The following RIF1 variants were observed in gnomAD, a reference collection of about 807,000 sequenced individuals.
The protein encoded by RIF1 is telomere-associated protein RIF1.
In RIF1, 45 loss-of-function variants were observed where a neutral mutation model predicts 247.1. That is an observed-to-expected ratio of 0.18 (90% CI 0.14 to 0.23). The LOEUF is 0.23. RIF1 is among the 10% of genes least tolerant of loss of function. The probability of loss-of-function intolerance (pLI) is 1.00; values close to 1 mark genes in which losing one functional copy is unlikely to be tolerated. For missense variants in RIF1, 2,967 were observed against 2,862.5 expected (o/e 1.04, Z -0.83); for synonymous variants, 1,087 against 978.8 (o/e 1.11, Z -2.06).
chr2:151,468,824 T>G, intron 33 of RIF1, 68 bp downstream of exon 33: 1 of 1,098,336 alleles, frequency 9.1e-7, no homozygotes, highest in Admixed American at 1.7e-5. Flanking sequence ...CTTATCTGAT[T>G]GCTTGGTTCT....
intron 34 of RIF1, among the ~76,000 whole-genome samples, chr2:151,472,176 G>C (rs771739822): frequency 3.3e-5 from 5 of 152,044 alleles, no homozygotes; most frequent in Non-Finnish European, 5.9e-5. Context: ...CTGTTTGTCT[G>C]TTATTGATGT....
chr2:151,445,964 C>T (rs1207116282), intron 19 of RIF1, among the ~76,000 whole-genome samples: 4 of 152,182 alleles, frequency 2.6e-5, no homozygotes, highest in Non-Finnish European at 4.4e-5. Context: ...TTCCTCTCTT[C>T]AGTTAGACCT....
intron 9 of RIF1, chr2:151,490,123 G>A (rs762580492): frequency 1.4e-6 from 2 of 1,440,406 alleles, no homozygotes; most frequent in African/African-American, 1.4e-5. Context: ...AAATGGCTAG[G>A]TATCCTTTAA....
rs1282643278 is a variant in RIF1 at position 151,463,342 on chromosome 2, A to C, written c.3822A>C (p.Lys1274Asn). ...AGCAAAGAGAAGGGACTTTTTCAAA[A>C]TCTGATTCTGAAAAAATAGTGAATG... Reference protein sequence around the residue: ...KAKQREGTFSKSDSEKIVNGT... With the variant: ...KAKQREGTFSNSDSEKIVNGT... Residue 1274 changes from lysine to asparagine, a missense_variant, in exon 30 of 36, where the codon AAA becomes AAC. Physicochemically the swap from Lys to Asn is moderately conservative, Grantham distance 94. Coordinates refer to ENST00000444746, the MANE Select transcript of RIF1 (RefSeq NM_018151.5). 2.5e-6 allele frequency: 4 copies of C among 1,613,822 alleles called. No homozygotes were observed. Among genetic ancestry groups the C allele is most frequent in the Non-Finnish European group, 2.5e-6 (3 of 1,179,928 alleles).
Position 151,459,913 on chromosome 2 carries a change from A to G in RIF1, c.2956-87A>G, listed in dbSNP as rs958927574. 6.4e-6 allele frequency: 7 copies of G among 1,096,842 alleles called. No individual in the cohort carries two copies. The African/African-American group carries it at 8.2e-5, about 13-fold the overall frequency. 67.9% of individuals were successfully genotyped at this position (1,096,842 alleles called of 1,614,324 possible). A position where few individuals can be genotyped will look rare whatever the true frequency, so the allele number is the denominator to read the frequency against. On this transcript the variant is annotated intron_variant, in intron 25 of 35. Coordinates refer to ENST00000444746, the MANE Select transcript of RIF1 (RefSeq NM_018151.5). ...AATTTTGACAATATTTGCAATTACT[A>G]TTTATTAGGAATTTTCAAAACGTGA...
chr2:151,411,362 T>C, intron 3 of RIF1, 24 bp downstream of exon 3: 1 of 1,448,940 alleles, frequency 6.9e-7, no homozygotes, highest in Non-Finnish European at 9.5e-7. Context: ...TGTTAAACAG[T>C]TTTTCACTTT....
intron 11 of RIF1, among the ~76,000 whole-genome samples, chr2:151,502,510 G>A (rs1335663845): frequency 1.3e-5 from 2 of 151,988 alleles, no homozygotes; most frequent in Non-Finnish European, 2.9e-5. Flanking sequence ...TTTTGACTGT[G>A]TTACACCAGT....
At chr2:151,413,417 T>C (rs930760460) in intron 3 of RIF1, among the ~76,000 whole-genome samples, 15 of 152,170 alleles carry the variant, frequency 9.9e-5, no homozygotes, top group African/African-American at 3.6e-4. Context: ...AATAGGACAA[T>C]AAGCAATTTT....
chr2:151,525,072 A>T, the RIF1 span: 1 of 956,122 alleles, frequency 1.0e-6, no homozygotes, highest in Non-Finnish European at 1.7e-6. Flanking sequence ...CAGAGGAATT[A>T]GAGTGACCAC....
Position 151,464,524 on chromosome 2 carries a change from T to C in RIF1, c.5004T>C (p.Pro1668=). 12 of 1,611,844 alleles carry C rather than the reference T, an allele frequency of 7.4e-6. No homozygotes were observed. Among genetic ancestry groups the C allele is most frequent in the Non-Finnish European group, 1.0e-5 (12 of 1,179,254 alleles). Residue 1668 remains proline (P), a synonymous_variant, in exon 30 of 36, where the codon CCT becomes CCC. Transcript: ENST00000444746. ...CAGAATATTCCTTTACAAGTCTACC[T>C]GTGCCAGAATCAAATCTAAGGACTA... ...KYAEYSFTSL[P]VPESNLRTRN...
intron 21 of RIF1, among the ~76,000 whole-genome samples, chr2:151,454,325 A>G (rs921388635): frequency 1.3e-5 from 2 of 152,192 alleles, no homozygotes; most frequent in Non-Finnish European, 2.9e-5. Flanking sequence ...TAAGGGTACA[A>G]AAAATCAGAC....
intron 10 of RIF1, chr2:151,498,201 T>G: frequency 6.5e-7 from 1 of 1,548,972 alleles, no homozygotes; most frequent in Admixed American, 2.0e-5. Flanking sequence ...TAAATAAATG[T>G]AAAGATCAGT....
Position 151,460,048 on chromosome 2 carries a change from T to G in RIF1, c.3004T>G (p.Ser1002Ala), listed in dbSNP as rs1257585027. ...NVKISGMERK[S>A]NGKRDSFLAQ... is the part of the protein sequence containing the mutation. Reference sequence around the variant, plus strand: ...GAAGATAAGTGGCATGGAGAGAAAATCAAATGGAAAAAGAGATTCATTTTT... The same window carrying G: ...GAAGATAAGTGGCATGGAGAGAAAAGCAAATGGAAAAAGAGATTCATTTTT... Residue 1002 changes from serine to alanine, a missense_variant, in exon 26 of 36, where the codon TCA becomes GCA. Physicochemically the swap from Ser to Ala is moderately conservative, Grantham distance 99 (BLOSUM62 1). Around this residue, in one of 7 missense-constraint regions of RIF1, gnomAD observed 2,028 missense variants for 1,825.6 expected, o/e 1.11. Coordinates refer to ENST00000444746, the MANE Select transcript of RIF1 (RefSeq NM_018151.5). The G allele has an allele frequency of 1.9e-6, 3 of 1,568,936 alleles. No homozygotes were observed. Among genetic ancestry groups the G allele is most frequent in the African/African-American group, 2.7e-5 (2 of 73,042 alleles).
At chr2:151,494,216 G>T in intron 9 of RIF1, 1 of 1,607,154 alleles carries the variant, frequency 6.2e-7, no homozygotes, top group Non-Finnish European at 8.5e-7. Flanking sequence ...AGTGACAGGG[G>T]TTGCGGTGGC....
At position 151,437,368 on chromosome 2, in the gene RIF1, T is replaced by C; in HGVS notation, c.1483+17T>C. 2 of 1,562,760 alleles carry C rather than the reference T, an allele frequency of 1.3e-6. No homozygotes were observed. Among genetic ancestry groups the C allele is most frequent in the South Asian group, 1.1e-5 (1 of 89,884 alleles). ...ATGCCCCCGGTAAGAGAATTTGATTTATTATTTGCTCAAATGTGTGTTTAA... is the reference window on the plus strand; with the variant it reads ...ATGCCCCCGGTAAGAGAATTTGATTCATTATTTGCTCAAATGTGTGTTTAA... On this transcript the variant is annotated intron_variant, in intron 13 of 35. Coordinates refer to ENST00000444746, the MANE Select transcript of RIF1 (RefSeq NM_018151.5).
intron 24 of RIF1, 87 bp downstream of exon 24, chr2:151,458,050 T>A: frequency 1.1e-6 from 1 of 925,848 alleles, no homozygotes; most frequent in Non-Finnish European, 1.7e-6. Context: ...TCTTTTCTTA[T>A]GGGGTATTGT....
At chr2:151,423,112 T>G (rs1375219388) in intron 8 of RIF1, 70 bp downstream of exon 8, 1 of 829,202 alleles carries the variant, frequency 1.2e-6, no homozygotes, top group Non-Finnish European at 2.0e-6. Flanking sequence ...ACCTTTTCTT[T>G]GTACAGTTGA....
the RIF1 span, chr2:151,516,514 T>G: frequency 1.2e-6 from 2 of 1,613,634 alleles, no homozygotes; most frequent in South Asian, 2.2e-5. Context: ...TGTTTCAAAG[T>G]CCAGCATGGG....
intron 15 of RIF1, among the ~76,000 whole-genome samples, chr2:151,441,408 T>C (rs1692272538): frequency 6.6e-6 from 1 of 152,194 alleles, no homozygotes; most frequent in Non-Finnish European, 1.5e-5. Flanking sequence ...CAAGGTCTCT[T>C]AATAGAAAAA....
Sources: allele counts gnomAD v4.1 joint callset (sites outside exome capture counted in the v4.1 genomes callset), GRCh38; gene constraint gnomAD v4.1.1; regional missense constraint gnomAD v4.1.1; transcripts MANE v1.5; gene names NCBI Gene and HGNC (gene_info 2026-07-23, HGNC 2026-07-21).